ACP7: variants seen among roughly 807,000 people sequenced by gnomAD.
ACP7 encodes acid phosphatase type 7.
A neutral mutation model predicts 60.6 loss-of-function variants in ACP7; 58 were observed. The ratio of observed to expected loss-of-function variants is 0.96; its 90% CI spans 0.77 to 1.19. The LOEUF (loss-of-function observed/expected upper bound fraction) is 1.19. Among genes scored for constraint, ACP7 ranks in the 50% most tolerant of loss-of-function variants. The pLI is 0.00. For synonymous variants in ACP7, 237 were observed against 232.6 expected (o/e 1.02, Z -0.17); for missense variants, 574 against 596.2 (o/e 0.96, Z 0.39).
chr19:39,093,172 C>CTTTCTTTCTTTCCT lies in ACP7; in HGVS notation c.122-5285_122-5284insTTCTTTCTTTCCTT. On this transcript the variant is annotated intron_variant, in intron 2 of 12. Transcript: ENST00000331256. ...TCTTTCTTTCTCTTTCTTTCTTTCT[C>CTTTCTTTCTTTCCT]TCCTTCCTTCCTTCCTTCTTTCTTT... Among the ~76,000 whole-genome samples the CTTTCTTTCTTTCCT allele has an allele frequency of 2.2e-4, 18 of 80,926 alleles. 1 individual carries two copies. Among genetic ancestry groups the CTTTCTTTCTTTCCT allele is most frequent in the African/African-American group, 8.7e-4 (17 of 19,564 alleles). 53.1% of individuals were successfully genotyped at this position (80,926 alleles called of 152,430 possible).
chr19:39,100,378 C>T (rs375048642), intron 5 of ACP7, 28 bp downstream of exon 5: 11 of 1,611,852 alleles, frequency 6.8e-6, no homozygotes, highest in East Asian at 6.7e-5. Flanking sequence ...TGGCGGTGGG[C>T]GAGGGCTGGA....
At chr19:39,106,822 C>A in intron 11 of ACP7, 125 bp from the exon 12 acceptor site, 2 of 1,212,152 alleles carry the variant, frequency 1.6e-6, no homozygotes, top group Non-Finnish European at 2.3e-6. Context: ...CTGCGCCCGG[C>A]CTCTATGGTG....
rs552711238 is a variant in ACP7 at position 39,102,261 on chromosome 19, A to G, written c.1113+724A>G. On this transcript the variant is annotated intron_variant, in intron 11 of 12. Coordinates refer to ENST00000331256, the MANE Select transcript of ACP7 (RefSeq NM_001004318.3). ...TTGATCCTAGGAGTTTGAGGCTACA[A>G]TGAGTTATGATCGCACCAATGCACT... 2.6e-3 allele frequency among the ~76,000 whole-genome samples: 392 copies of G among 152,100 alleles called. 1 individual carries two copies. The highest frequency in any genetic ancestry group is 3.0e-3 in the Non-Finnish European group (204 of 67,994).
At chr19:39,089,129 G>T (rs191307946) in intron 2 of ACP7, among the ~76,000 whole-genome samples, 291 of 151,962 alleles carry the variant, frequency 1.9e-3, no homozygotes, top group Middle Eastern at 6.8e-3. Flanking sequence ...GGGTTTCACC[G>T]TGTTGCCCAG....
At chr19:39,099,261 G>A in intron 4 of ACP7, 119 bp downstream of exon 4, 1 of 1,169,440 alleles carries the variant, frequency 8.6e-7, no homozygotes, top group South Asian at 2.1e-5. Flanking sequence ...GAGGGGACAG[G>A]GCTGGGGCCA....
chr19:39,102,377 G>A (rs1246378416), intron 11 of ACP7, among the ~76,000 whole-genome samples: 1 of 119,584 alleles, frequency 8.4e-6, no homozygotes, highest in East Asian at 2.8e-4. Flanking sequence ...CAAATGTCAT[G>A]TTTCTTTTTT....
At chr19:39,098,837 G>A in intron 3 of ACP7, 123 bp from the exon 4 acceptor site, 1 of 1,422,470 alleles carries the variant, frequency 7.0e-7, no homozygotes, top group Non-Finnish European at 9.4e-7. Context: ...CAGACCGAAG[G>A]GGCATGGGCC....
intron 1 of ACP7, 106 bp from the exon 2 acceptor site, chr19:39,084,986 G>C (rs1016663330): frequency 9.0e-6 from 3 of 334,734 alleles, no homozygotes; most frequent in Non-Finnish European, 1.6e-5. Flanking sequence ...ATGTCGTGAG[G>C]CTTCCGTGAA....
chr19:39,097,833 C>G (rs8113302), intron 2 of ACP7, among the ~76,000 whole-genome samples: 6,416 of 152,104 alleles, frequency 0.042, 415 homozygotes, highest in African/African-American at 0.14. Context: ...TACTGTTTCA[C>G]GTGCTTTATT....
chr19:39,085,151 G>C lies in ACP7; in HGVS notation c.-119G>C, dbSNP rs2073126167. 7.5e-7 allele frequency: 1 copy of C among 1,335,974 alleles called. No homozygotes were observed. The highest frequency in any genetic ancestry group is 1.5e-5 in the African/African-American group (1 of 67,416). 82.8% of individuals were successfully genotyped at this position (1,335,974 alleles called of 1,614,324 possible). On this transcript the variant is annotated 5_prime_UTR_variant, in exon 2 of 13. Transcript: ENST00000331256. ...CCTGCCCTGCCTCTGTTGTCCCCCA[G>C]AGCACTGCCTGATCATCCTCTGTTC...
At chr19:39,104,977 A>C (rs1019639371) in intron 11 of ACP7, among the ~76,000 whole-genome samples, 1 of 152,124 alleles carries the variant, frequency 6.6e-6, no homozygotes, top group Non-Finnish European at 1.5e-5. Flanking sequence ...CCACTTCACC[A>C]ATATTTCCCA....
At chr19:39,089,400 T>C (rs1952436657) in intron 2 of ACP7, among the ~76,000 whole-genome samples, 1 of 152,180 alleles carries the variant, frequency 6.6e-6, no homozygotes, top group Admixed American at 6.6e-5. Context: ...GTACTACTTT[T>C]GGATTTAGCA....
chr19:39,098,840 C>T (rs1568479765), intron 3 of ACP7, 120 bp from the exon 4 acceptor site: 2 of 1,433,348 alleles, frequency 1.4e-6, no homozygotes, highest in Non-Finnish European at 9.4e-7. Context: ...ACCGAAGGGG[C>T]ATGGGCCAGC....
At chr19:39,091,808 G>A (rs1382797875) in intron 2 of ACP7, among the ~76,000 whole-genome samples, 1 of 151,988 alleles carries the variant, frequency 6.6e-6, no homozygotes, top group Non-Finnish European at 1.5e-5. Context: ...CTACTCAGGA[G>A]GCTGGGGCAG....
intron 2 of ACP7, among the ~76,000 whole-genome samples, chr19:39,086,139 CAT>C (rs546642420): frequency 1.3e-5 from 2 of 152,106 alleles, no homozygotes; most frequent in African/African-American, 4.8e-5. Flanking sequence ...GCCTAGGAAA[CAT>C]AGTGAGACCT....
At chr19:39,105,650 A>G (rs1375473254) in intron 11 of ACP7, among the ~76,000 whole-genome samples, 1 of 152,028 alleles carries the variant, frequency 6.6e-6, no homozygotes, top group Non-Finnish European at 1.5e-5. Context: ...CCTCCTGAGT[A>G]GCTGGGATTA....
At chr19:39,107,171 G>A in intron 12 of ACP7, 87 bp downstream of exon 12, 1 of 1,359,744 alleles carries the variant, frequency 7.4e-7, no homozygotes, top group Non-Finnish European at 9.6e-7. Context: ...GCTCGGCCGG[G>A]CGCAGTGGCT....
Position 39,085,342 on chromosome 19 carries a change from C to G in ACP7, c.73C>G (p.Leu25Val). The change falls in exon 2 of 13, where the codon CTG becomes GTG. Residue 25 changes from leucine to valine, a missense_variant. Transcript: ENST00000331256. ...ATTCTCCTTGGGAGTCCAGGGGTCCCTGGGGGCTCCCAGCGCTGCCCCAGA... is the reference window on the plus strand; with the variant it reads ...ATTCTCCTTGGGAGTCCAGGGGTCCGTGGGGGCTCCCAGCGCTGCCCCAGA... The part of the protein sequence containing the change: ...LLFSLGVQGS[L>V]GAPSAAPEQV... 1.9e-6 allele frequency: 3 copies of G among 1,613,702 alleles called. No individual in the cohort carries two copies. Among genetic ancestry groups the G allele is most frequent in the Non-Finnish European group, 2.5e-6 (3 of 1,179,784 alleles).
chr19:39,094,155 G>A (rs187078245), intron 2 of ACP7, among the ~76,000 whole-genome samples: 1 of 152,108 alleles, frequency 6.6e-6, no homozygotes, highest in African/African-American at 2.4e-5. Context: ...TCAAAATCTG[G>A]ATTTTCGTAT....
Sources: gnomAD v4.1 joint callset for allele counts (sites outside exome capture counted in the v4.1 genomes callset) on GRCh38, gnomAD v4.1.1 for gene constraint, MANE v1.5 for transcripts, NCBI Gene and HGNC (gene_info 2026-07-23, HGNC 2026-07-21) for gene names.